Variants in SPINK8 observed in about 807,000 individuals in gnomAD.
SPINK8 encodes the protein serine protease inhibitor Kazal-type 8.
In SPINK8, 12 loss-of-function variants were observed where a neutral mutation model predicts 14.4. The observed-to-expected ratio is 0.83, with a 90% CI of 0.53 to 1.35. The LOEUF is 1.35. Among genes scored for constraint, SPINK8 ranks in the 40% most tolerant of loss-of-function variants. SPINK8 has a pLI of 0.00. For synonymous variants in SPINK8, 32 were observed against 37.6 expected, an observed-to-expected ratio of 0.85 and a Z score of 0.55; for missense variants, 103 against 117.0, an observed-to-expected ratio of 0.88 and a Z score of 0.55.
At chr3:48,310,685 G>T (rs1436885699) in intron 6 of SPINK8, among the ~76,000 whole-genome samples, 1 of 152,014 alleles carries the variant, frequency 6.6e-6, no homozygotes, top group Non-Finnish European at 1.5e-5. Context: ...TTTTAGTAGA[G>T]ACTGGGTTTC....
intron 6 of SPINK8, among the ~76,000 whole-genome samples, chr3:48,311,413 A>T (rs1442192633): frequency 6.6e-6 from 1 of 152,214 alleles, no homozygotes; most frequent in African/African-American, 2.4e-5. Flanking sequence ...AGAAAAAGAA[A>T]TAAAAGGCAT....
At chr3:48,325,613 A>T in intron 4 of SPINK8, among the ~76,000 whole-genome samples, 1 of 135,068 alleles carries the variant, frequency 7.4e-6, no homozygotes. Context: ...TTTTTTTGAG[A>T]GTGAGTTTCA....
At chr3:48,317,577 G>A (rs369488017) in intron 6 of SPINK8, among the ~76,000 whole-genome samples, 57 of 150,782 alleles carry the variant, frequency 3.8e-4, no homozygotes, top group African/African-American at 1.3e-3. Context: ...GTGCAGTGGC[G>A]CGATCTTGGC....
At chr3:48,325,876 G>A (rs1218216926) in intron 4 of SPINK8, among the ~76,000 whole-genome samples, 1 of 151,866 alleles carries the variant, frequency 6.6e-6, no homozygotes, top group Admixed American at 6.6e-5. Context: ...GGGATTACAG[G>A]CATGAGCCAC....
At chr3:48,320,711 G>A (rs1345927816) in intron 5 of SPINK8, among the ~76,000 whole-genome samples, 5 of 152,154 alleles carry the variant, frequency 3.3e-5, no homozygotes, top group Admixed American at 3.3e-4. Flanking sequence ...GCATATCATG[G>A]TGGAAACAGT....
intron 7 of SPINK8, among the ~76,000 whole-genome samples, chr3:48,307,560 A>C (rs1575338970): frequency 9.7e-6 from 1 of 103,454 alleles, no homozygotes; most frequent in African/African-American, 3.9e-5. Context: ...CCTCTTCTGG[A>C]ATTATTAGTT....
Position 48,306,883 on chromosome 3 carries a change from G to T in SPINK8, c.*109C>A. 1 of 1,157,784 alleles carries T rather than the reference G, an allele frequency of 8.6e-7. No individual in the cohort carries two copies. Among genetic ancestry groups the T allele is most frequent in the Non-Finnish European group, 1.2e-6 (1 of 804,166 alleles). The allele number at this position is 1,157,784 out of a possible 1,614,324, so 71.7% of individuals were successfully genotyped here. ...ATTTATTGAAGACATAAATCAACGA[G>T]TTTGATCCAACCATTAGTAATTAAA... is the stretch of plus-strand genomic sequence containing the variant. On this transcript the variant is annotated 3_prime_UTR_variant, in exon 8 of 8. Coordinates refer to ENST00000434006, the MANE Select transcript of SPINK8 (RefSeq NM_001080525.3).
Position 48,306,903 on chromosome 3 carries a change from A to C in SPINK8, c.*89T>G. On this transcript the variant is annotated 3_prime_UTR_variant, in exon 8 of 8. Transcript: ENST00000434006. ...AACGAGTTTGATCCAACCATTAGTAATTAAAGGGGATATATTTGAAGAGGC... is the reference window on the plus strand; with the variant it reads ...AACGAGTTTGATCCAACCATTAGTACTTAAAGGGGATATATTTGAAGAGGC... 7.3e-7 allele frequency: 1 copy of C among 1,363,188 alleles called. No individual in the cohort carries two copies. The highest frequency in any genetic ancestry group is 1.0e-6 in the Non-Finnish European group (1 of 970,742). 84.4% of individuals were successfully genotyped at this position (1,363,188 alleles called of 1,614,324 possible). A position where few individuals can be genotyped will look rare whatever the true frequency, so the allele number is the denominator to read the frequency against.
chr3:48,325,958 G>A lies in SPINK8; in HGVS notation c.67+2317C>T, dbSNP rs1048282602. 2.0e-5 allele frequency among the ~76,000 whole-genome samples: 3 copies of A among 150,056 alleles called. No individual in the cohort carries two copies. The South Asian group carries it at 6.3e-4, about 32-fold the overall frequency. On this transcript the variant is annotated intron_variant, in intron 4 of 7. Coordinates refer to ENST00000434006, the MANE Select transcript of SPINK8 (RefSeq NM_001080525.3). ...ACACTGGGCTGACCTAAGCTAGGGT[G>A]AGGGCCATCAGGGCCCCACTACTCT...
intron 6 of SPINK8, among the ~76,000 whole-genome samples, chr3:48,316,658 A>C (rs2035997709): frequency 6.6e-6 from 1 of 152,152 alleles, no homozygotes; most frequent in South Asian, 2.1e-4. Context: ...CTGTAGTCCT[A>C]GCTACTCAGA....
intron 6 of SPINK8, among the ~76,000 whole-genome samples, chr3:48,315,720 C>CCAAAAAAAAA (rs2035979702): frequency 4.6e-5 from 1 of 21,940 alleles, no homozygotes; most frequent in Non-Finnish European, 9.7e-5. Context: ...GACTCCATCT[C>CCAAAAAAAAA]AAAAAAAAAA....
At chr3:48,323,206 G>T (rs541136609) in intron 4 of SPINK8, among the ~76,000 whole-genome samples, 111 of 152,092 alleles carry the variant, frequency 7.3e-4, no homozygotes, top group African/African-American at 2.5e-3. Context: ...GTGCAGTGGC[G>T]TGATCTCTGC....
intron 6 of SPINK8, among the ~76,000 whole-genome samples, chr3:48,316,152 G>A (rs1297997798): frequency 6.6e-6 from 1 of 152,130 alleles, no homozygotes. Flanking sequence ...ATACATAAAG[G>A]GAATCCCTCA....
intron 6 of SPINK8, among the ~76,000 whole-genome samples, chr3:48,311,178 T>C (rs2035920284): frequency 6.6e-6 from 1 of 152,058 alleles, no homozygotes; most frequent in Non-Finnish European, 1.5e-5. Flanking sequence ...CACATAATAT[T>C]CAACAAAATC....
intron 3 of SPINK8, 130 bp from the exon 4 acceptor site, chr3:48,328,484 T>A (rs775837795): frequency 1.3e-4 from 67 of 526,132 alleles, no homozygotes; most frequent in Middle Eastern, 5.8e-4. Context: ...TTGGAATGAA[T>A]TGTGTCTGAT....
At chr3:48,310,947 T>C (rs943138950) in intron 6 of SPINK8, among the ~76,000 whole-genome samples, 3 of 152,164 alleles carry the variant, frequency 2.0e-5, no homozygotes, top group East Asian at 3.8e-4. Context: ...AGGAAAACTA[T>C]AGACCAATAT....
At chr3:48,313,521 T>C (rs533960123) in intron 6 of SPINK8, among the ~76,000 whole-genome samples, 24 of 152,314 alleles carry the variant, frequency 1.6e-4, no homozygotes, top group South Asian at 4.1e-4. Context: ...TCTGGAAGAA[T>C]GTAAAATGGT....
At chr3:48,324,736 C>CA (rs1465101121) in intron 4 of SPINK8, among the ~76,000 whole-genome samples, 28 of 152,156 alleles carry the variant, frequency 1.8e-4, no homozygotes, top group African/African-American at 6.5e-4. Context: ...GAGAACACTG[C>CA]ATGTGCACCT....
At chr3:48,312,386 T>TA (rs1459025929) in intron 6 of SPINK8, among the ~76,000 whole-genome samples, 1 of 151,924 alleles carries the variant, frequency 6.6e-6, no homozygotes, top group African/African-American at 2.4e-5. Context: ...CTGATACCTA[T>TA]AATCCCAGCA....
Sources: allele counts gnomAD v4.1 joint callset (sites outside exome capture counted in the v4.1 genomes callset), GRCh38; gene constraint gnomAD v4.1.1; transcripts MANE v1.5; gene names NCBI Gene and HGNC (gene_info 2026-07-23, HGNC 2026-07-21).